CLEC19A: variants seen among roughly 807,000 people sequenced by gnomAD.
The protein encoded by CLEC19A is C-type lectin domain containing 19A.
A neutral mutation model predicts 26.1 loss-of-function variants in CLEC19A; 21 were observed. The ratio of observed to expected loss-of-function variants is 0.80; its 90% CI spans 0.57 to 1.16. CLEC19A has a LOEUF of 1.16. Among genes scored for constraint, CLEC19A ranks in the 50% most tolerant of loss-of-function variants. The probability of loss-of-function intolerance (pLI) is 0.00; values close to 1 mark genes in which losing one functional copy is unlikely to be tolerated. For synonymous variants in CLEC19A, 89 were observed against 88.6 expected, an observed-to-expected ratio of 1.00 and a Z score of -0.03; for missense variants, 224 against 227.6, an observed-to-expected ratio of 0.98 and a Z score of 0.10.
chr16:19,301,805 A>G (rs1397563157), intron 2 of CLEC19A, among the ~76,000 whole-genome samples: 4 of 124,326 alleles, frequency 3.2e-5, no homozygotes, highest in African/African-American at 1.2e-4. Flanking sequence ...ATTGGCCAGG[A>G]TGGTCTCAAT....
At chr16:19,301,798 G>A (rs1233770582) in intron 2 of CLEC19A, among the ~76,000 whole-genome samples, 1 of 116,362 alleles carries the variant, frequency 8.6e-6, no homozygotes, top group African/African-American at 3.3e-5. Flanking sequence ...TCACCATATT[G>A]GCCAGGATGG....
intron 4 of CLEC19A, among the ~76,000 whole-genome samples, chr16:19,308,226 C>G (rs917811509): frequency 2.0e-5 from 3 of 152,162 alleles, no homozygotes; most frequent in African/African-American, 7.2e-5. Flanking sequence ...ACCTACAAGA[C>G]TGCTGTGAGG....
intron 1 of CLEC19A, among the ~76,000 whole-genome samples, chr16:19,290,214 C>A (rs75551713): frequency 0.02 from 2,984 of 152,228 alleles, 127 homozygotes; most frequent in South Asian, 0.15. Flanking sequence ...TTTGACCCCC[C>A]ACCCCAGCTG....
intron 2 of CLEC19A, among the ~76,000 whole-genome samples, chr16:19,301,441 A>G (rs1897819166): frequency 6.6e-6 from 1 of 152,240 alleles, no homozygotes; most frequent in South Asian, 2.1e-4. Context: ...TAAGGGCATC[A>G]GAGTCAGGTA....
chr16:19,286,258 G>A (rs1199186518), intron 1 of CLEC19A, among the ~76,000 whole-genome samples: 1 of 152,264 alleles, frequency 6.6e-6, no homozygotes, highest in Non-Finnish European at 1.5e-5. Flanking sequence ...AGGCAGATAA[G>A]ATAACATGAG....
intron 1 of CLEC19A, among the ~76,000 whole-genome samples, chr16:19,291,483 G>A (rs1897582429): frequency 6.6e-6 from 1 of 152,180 alleles, no homozygotes; most frequent in African/African-American, 2.4e-5. Context: ...GGTGATAGTG[G>A]CACCTACCTG....
chr16:19,300,840 C>G (rs1897803963), intron 2 of CLEC19A, among the ~76,000 whole-genome samples: 1 of 152,164 alleles, frequency 6.6e-6, no homozygotes, highest in Non-Finnish European at 1.5e-5. Context: ...GGAGGACAGG[C>G]CAGTCCTATG....
chr16:19,288,738 A>G (rs551599529), intron 1 of CLEC19A, among the ~76,000 whole-genome samples: 5 of 152,158 alleles, frequency 3.3e-5, no homozygotes, highest in Admixed American at 2.0e-4. Flanking sequence ...GTAAACATTT[A>G]TTATTCTTCT....
At chr16:19,307,440 G>T (rs1897980311) in intron 3 of CLEC19A, 105 bp from the exon 4 acceptor site, 20 of 1,292,364 alleles carry the variant, frequency 1.5e-5, no homozygotes, top group Non-Finnish European at 2.1e-5. Context: ...GTGCAGAGGT[G>T]TTAGAAATTA....
intron 1 of CLEC19A, among the ~76,000 whole-genome samples, chr16:19,296,419 C>A (rs191420634): frequency 5.9e-5 from 9 of 152,242 alleles, no homozygotes; most frequent in African/African-American, 2.2e-4. Context: ...GTTATAAAAC[C>A]CTGAGCTAAT....
intron 2 of CLEC19A, among the ~76,000 whole-genome samples, chr16:19,303,653 T>C (rs1395198262): frequency 6.6e-6 from 1 of 152,158 alleles, no homozygotes; most frequent in Non-Finnish European, 1.5e-5. Context: ...GGGGATATAT[T>C]ATAAATGGGC....
At chr16:19,287,593 C>T (rs1567250682) in intron 1 of CLEC19A, among the ~76,000 whole-genome samples, 1 of 152,148 alleles carries the variant, frequency 6.6e-6, no homozygotes, top group Non-Finnish European at 1.5e-5. Flanking sequence ...GACTGCGCCT[C>T]GTATATCCCA....
chr16:19,304,037 G>A, intron 2 of CLEC19A, 25 bp from the exon 3 acceptor site: 2 of 1,529,844 alleles, frequency 1.3e-6, no homozygotes, highest in African/African-American at 2.8e-5. Context: ...TGAGGAATCA[G>A]CTACTATTAT....
chr16:19,288,038 C>T (rs1394227155), intron 1 of CLEC19A, among the ~76,000 whole-genome samples: 5 of 152,086 alleles, frequency 3.3e-5, no homozygotes, highest in African/African-American at 7.2e-5. Flanking sequence ...TGGGAGAGCT[C>T]GCAGTTTGGA....
In CLEC19A at chr16:19,298,779, C is replaced by G; in HGVS notation, c.195C>G (p.Asp65Glu). Residue 65 changes from aspartate to glutamate, a missense_variant, in exon 2 of 5, where the codon GAC (aspartate) becomes GAG (glutamate). Transcript: ENST00000636231. ...FPLNKTWAEA[D>E]LYCSEFSVGR... is the part of the protein sequence containing the mutation. ...TCAATAAGACCTGGGCTGAGGCCGA[C>G]CTCTACTGTTCTGAGTTCTCTGTGG... The G allele has an allele frequency of 6.4e-7, 1 of 1,550,780 alleles. No homozygotes were observed.
intron 1 of CLEC19A, among the ~76,000 whole-genome samples, chr16:19,296,385 G>A (rs534241269): frequency 8.5e-6 from 1 of 117,228 alleles, no homozygotes; most frequent in African/African-American, 3.8e-5. Context: ...GAAATTCACT[G>A]GATCCCTGCA....
intron 4 of CLEC19A, 52 bp from the exon 5 acceptor site, chr16:19,308,952 T>G: frequency 6.8e-7 from 1 of 1,472,362 alleles, no homozygotes; most frequent in South Asian, 1.2e-5. Flanking sequence ...GGGGTTACTT[T>G]TATCTTGGCG....
intron 1 of CLEC19A, among the ~76,000 whole-genome samples, chr16:19,288,750 C>T (rs769854485): frequency 3.9e-5 from 6 of 152,118 alleles, no homozygotes; most frequent in African/African-American, 1.2e-4. Flanking sequence ...TATTCTTCTT[C>T]GACCATCAAA....
chr16:19,300,834 G>A (rs1419471222), intron 2 of CLEC19A, among the ~76,000 whole-genome samples: 2 of 152,212 alleles, frequency 1.3e-5, no homozygotes, highest in South Asian at 2.1e-4. Context: ...TGAGTTGGAG[G>A]ACAGGCCAGT....
Sources: allele counts gnomAD v4.1 joint callset (sites outside exome capture counted in the v4.1 genomes callset), GRCh38; gene constraint gnomAD v4.1.1; transcripts MANE v1.5; gene names NCBI Gene and HGNC (gene_info 2026-07-23, HGNC 2026-07-21).